Variants in EXD3 observed in about 807,000 individuals in gnomAD.
EXD3 encodes exonuclease 3'-5' domain containing 3.
In EXD3, 92 loss-of-function variants were observed where a neutral mutation model predicts 98.0. The observed-to-expected ratio is 0.94, with a 90% CI of 0.79 to 1.12. The LOEUF is 1.12. Among genes scored for constraint, EXD3 ranks in the 50% most tolerant of loss-of-function variants. The probability of loss-of-function intolerance (pLI) is 0.00; values close to 1 mark genes in which losing one functional copy is unlikely to be tolerated. For missense variants in EXD3, 1,222 were observed against 1,191.6 expected (o/e 1.03, Z -0.38); for synonymous variants, 569 against 526.0 (o/e 1.08, Z -1.12).
chr9:137,328,623 T>C lies in EXD3; in HGVS notation c.1999-4480A>G, dbSNP rs1179344436. 1.9e-4 allele frequency among the ~76,000 whole-genome samples: 13 copies of C among 67,430 alleles called. 1 individual carries two copies. The highest frequency in any genetic ancestry group is 8.0e-4 in the African/African-American group (10 of 12,548). 44.2% of individuals were successfully genotyped at this position (67,430 alleles called of 152,430 possible). ...GGGACTACACGGGGCTACACGGGAC[T>C]ACACGGGACTACACGGGGCTACACG... On this transcript the variant is annotated intron_variant, in intron 17 of 21. Transcript: ENST00000340951.
chr9:137,344,335 T>C (rs1833813043), intron 17 of EXD3, among the ~76,000 whole-genome samples: 1 of 152,086 alleles, frequency 6.6e-6, no homozygotes, highest in South Asian at 2.1e-4. Flanking sequence ...CCAAAATTGG[T>C]CAGTTGGGCC....
intron 2 of EXD3, among the ~76,000 whole-genome samples, chr9:137,394,919 T>A (rs1837129580): frequency 6.6e-6 from 1 of 151,840 alleles, no homozygotes. Context: ...GTGGCGGCGC[T>A]AAGCCCCCAA....
intron 1 of EXD3, among the ~76,000 whole-genome samples, chr9:137,396,215 G>A (rs1184408125): frequency 2.0e-5 from 3 of 152,078 alleles, no homozygotes; most frequent in Non-Finnish European, 2.9e-5. Context: ...TGATCCACCC[G>A]CCTCAGCCTC....
At chr9:137,401,498 T>C (rs1265940849) in intron 1 of EXD3, among the ~76,000 whole-genome samples, 1 of 152,166 alleles carries the variant, frequency 6.6e-6, no homozygotes, top group African/African-American at 2.4e-5. Context: ...AGGTTCTCCA[T>C]GAGGGCCCCG....
At chr9:137,384,326 C>T (rs1836475469) in intron 2 of EXD3, among the ~76,000 whole-genome samples, 1 of 152,260 alleles carries the variant, frequency 6.6e-6, no homozygotes, top group Non-Finnish European at 1.5e-5. Context: ...GCTGACTTAA[C>T]AGGAGAGTCC....
rs771104531 is a variant in EXD3 at position 137,349,749 on chromosome 9, G to A, written c.1495-218C>T. Among the ~76,000 whole-genome samples the A allele has an allele frequency of 1.3e-5, 2 of 151,996 alleles. No homozygotes were observed. The highest frequency in any genetic ancestry group is 2.4e-5 in the African/African-American group (1 of 41,384). ...GGCACTGCACACCAGGGCCAGCTCC[G>A]GGGGCCCTGGTCAGCAGTCCCACGG... On this transcript the variant is annotated intron_variant, in intron 14 of 21. Coordinates refer to ENST00000340951, the MANE Select transcript of EXD3 (RefSeq NM_017820.5). This position sits in a 1 kb window ranked among gnomAD's most constrained non-coding sequence, Gnocchi z 7.4.
chr9:137,356,138 G>A, intron 8 of EXD3, 130 bp downstream of exon 8: 3 of 680,000 alleles, frequency 4.4e-6, no homozygotes, highest in Non-Finnish European at 5.0e-6. Context: ...GAGGCAGGGA[G>A]GGGCTCTCTG....
At chr9:137,409,509 G>T (rs1163261760) in intron 1 of EXD3, among the ~76,000 whole-genome samples, 3 of 152,084 alleles carry the variant, frequency 2.0e-5, no homozygotes, top group Non-Finnish European at 4.4e-5. Context: ...TTGAGTCCAG[G>T]AGTTTGAGAC....
At position 137,405,964 on chromosome 9, in the gene EXD3, A is replaced by C. The variant is rs191201379; in HGVS notation, c.-47-10560T>G. On this transcript the variant is annotated intron_variant, in intron 1 of 21. Transcript: ENST00000340951. This position sits in a 1 kb window ranked among gnomAD's most constrained non-coding sequence, Gnocchi z 4.1. ...GCTGGGCACGGTGGCTCACGCCTGT[A>C]ATCCCAGCCTTGTGGGAGGCCGAGG... 3.3e-5 allele frequency among the ~76,000 whole-genome samples: 5 copies of C among 152,360 alleles called. No homozygotes were observed. Among genetic ancestry groups the C allele is most frequent in the Admixed American group, 6.5e-5 (1 of 15,310 alleles).
intron 10 of EXD3, 26 bp downstream of exon 10, chr9:137,354,313 G>A: frequency 1.2e-6 from 2 of 1,611,284 alleles, no homozygotes; most frequent in South Asian, 1.1e-5. Context: ...CGCCCTGCCG[G>A]CTTACAGGCA....
chr9:137,341,006 T>C (rs1462063748), intron 17 of EXD3, among the ~76,000 whole-genome samples: 1 of 152,168 alleles, frequency 6.6e-6, no homozygotes, highest in Non-Finnish European at 1.5e-5. Context: ...GATTAAGACA[T>C]CGTGGCATCA....
rs1373294243 is a variant in EXD3 at position 137,366,554 on chromosome 9, T to G, written c.595A>C (p.Arg199=). Reference sequence around the variant, plus strand: ...CAGGAATCCATGAGGACCAGCAGCCTCCTCTGGAGGTCCGGGAAGCCGGCC... The same window carrying G: ...CAGGAATCCATGAGGACCAGCAGCCGCCTCTGGAGGTCCGGGAAGCCGGCC... The part of the protein sequence containing the change: ...YVAGFPDLQR[R]LLVLMDSWCQ... Residue 199 remains arginine, a synonymous_variant, in exon 7 of 22, where the codon AGG becomes CGG. Transcript: ENST00000340951. 6.4e-7 allele frequency: 1 copy of G among 1,551,996 alleles called. No homozygotes were observed. The highest frequency in any genetic ancestry group is 1.4e-5 in the African/African-American group (1 of 73,022).
chr9:137,308,985 C>T (rs1011180888), intron 20 of EXD3, among the ~76,000 whole-genome samples: 2 of 152,172 alleles, frequency 1.3e-5, no homozygotes, highest in Admixed American at 1.3e-4. Context: ...CCCTTAGCCC[C>T]CGTGCCAGCC....
intron 17 of EXD3, among the ~76,000 whole-genome samples, chr9:137,333,422 C>T (rs1564485152): frequency 3.3e-5 from 5 of 152,166 alleles, no homozygotes; most frequent in African/African-American, 1.2e-4. Context: ...AGTTCTGTCC[C>T]TCTAGAGAAC....
intron 17 of EXD3, among the ~76,000 whole-genome samples, chr9:137,338,178 T>C (rs76105758): frequency 0.011 from 1,640 of 152,284 alleles, 15 homozygotes; most frequent in Non-Finnish European, 0.015. Flanking sequence ...ATTTCCAAAA[T>C]TGGAAATATA....
At chr9:137,309,528 G>C (rs1383914385) in intron 20 of EXD3, 79 bp downstream of exon 20, 4 of 1,227,652 alleles carry the variant, frequency 3.3e-6, no homozygotes, top group Non-Finnish European at 3.5e-6. Flanking sequence ...GGACGGGCCA[G>C]GCCCCTCTCC....
chr9:137,353,973 C>CGG lies in EXD3; in HGVS notation c.870+365_870+366insCC, dbSNP rs531350329. 151 of 1,083,172 alleles carry CGG rather than the reference C, an allele frequency of 1.4e-4. No homozygotes were observed. The Middle Eastern group carries it at 4.1e-3, about 30-fold the overall frequency. The allele number at this position is 1,083,172 out of a possible 1,614,324, so 67.1% of individuals were successfully genotyped here. A position where few individuals can be genotyped will look rare whatever the true frequency, so the allele number is the denominator to read the frequency against. ...CGGCCGGCTCTGCGCTGGCACCGGG[C>CGG]TGGGGGGGCCTGGCCTTCCTCCTTC... On this transcript the variant is annotated intron_variant, in intron 10 of 21. Transcript: ENST00000340951.
In EXD3 at chr9:137,366,518, C is replaced by T. The variant is rs199654955; in HGVS notation, c.631G>A (p.Gly211Ser). 356 of 1,550,972 alleles carry T rather than the reference C, an allele frequency of 2.3e-4. 3 individuals are homozygous for T. In the African/African-American group the frequency reaches 4.0e-3, roughly 18 times the overall value. ...LVLMDSWCQP[G>S]FDIKDVARRY... ...CTGGCAACGTCCTTGATGTCAAAGC[C>T]GGGCTGGCACCAGGAATCCATGAGG... The change falls in exon 7 of 22, where the codon GGC (glycine) becomes AGC (serine). Residue 211 changes from glycine (G) to serine (S), a missense_variant. By Grantham distance (56) the Gly-to-Ser change is moderately conservative. Coordinates refer to ENST00000340951, the MANE Select transcript of EXD3 (RefSeq NM_017820.5).
intron 19 of EXD3, 67 bp downstream of exon 19, chr9:137,323,658 C>T (rs1009869876): frequency 3.8e-6 from 6 of 1,578,396 alleles, no homozygotes; most frequent in Non-Finnish European, 5.2e-6. Flanking sequence ...GGGCCCACCT[C>T]CCTGGACACC....
Sources: allele counts gnomAD v4.1 joint callset (sites outside exome capture counted in the v4.1 genomes callset), GRCh38; gene constraint gnomAD v4.1.1; non-coding constraint Gnocchi (gnomAD v3.1); transcripts MANE v1.5; gene names NCBI Gene and HGNC (gene_info 2026-07-23, HGNC 2026-07-21).